Variants in IFNGR2 observed in about 807,000 individuals in gnomAD.
IFNGR2 encodes IFN-gamma receptor 2.
Under a neutral mutation model 41.1 loss-of-function variants are expected in IFNGR2, and 15 were observed. The observed-to-expected ratio is 0.37, with a 90% CI of 0.24 to 0.56. IFNGR2 has a LOEUF of 0.56. Ranked by LOEUF, IFNGR2 falls within the 20% of genes least tolerant of loss-of-function variation. IFNGR2 has a pLI of 0.81. For missense variants in IFNGR2, 362 were observed against 415.7 expected, an observed-to-expected ratio of 0.87 and a Z score of 1.12; for synonymous variants, 161 against 171.6, an observed-to-expected ratio of 0.94 and a Z score of 0.48.
intron 4 of IFNGR2, among the ~76,000 whole-genome samples, chr21:33,431,835 G>A (rs906873153): frequency 6.6e-6 from 1 of 152,222 alleles, no homozygotes; most frequent in South Asian, 2.1e-4. Context: ...GCCTCCCAAA[G>A]TGGTGGGATT....
chr21:33,417,599 AC>A (rs1186069628), intron 2 of IFNGR2, among the ~76,000 whole-genome samples: 1 of 152,192 alleles, frequency 6.6e-6, no homozygotes, highest in Non-Finnish European at 1.5e-5. Context: ...AAAATGTGAG[AC>A]CCTTTATTTA....
chr21:33,417,917 T>C (rs1368215195), intron 2 of IFNGR2, among the ~76,000 whole-genome samples: 5 of 152,192 alleles, frequency 3.3e-5, no homozygotes, highest in Non-Finnish European at 7.3e-5. Context: ...AAAAAAACCT[T>C]TGATAGAGTT....
At chr21:33,406,305 G>A (rs1472798380) in intron 1 of IFNGR2, among the ~76,000 whole-genome samples, 3 of 151,998 alleles carry the variant, frequency 2.0e-5, no homozygotes, top group Admixed American at 6.6e-5. Flanking sequence ...GAACCTGGGA[G>A]GGGAGGTTGC....
chr21:33,433,771 G>T (rs1396345346), intron 6 of IFNGR2, among the ~76,000 whole-genome samples: 1 of 145,932 alleles, frequency 6.9e-6, no homozygotes, highest in Non-Finnish European at 1.5e-5. Context: ...TATGTTATGT[G>T]TATTTTACCA....
chr21:33,423,681 CGTGA>C (rs2083813620), intron 3 of IFNGR2, among the ~76,000 whole-genome samples: 2 of 152,172 alleles, frequency 1.3e-5, no homozygotes, highest in African/African-American at 4.8e-5. Flanking sequence ...GGATTACAGG[CGTGA>C]GAGCCACCGT....
At chr21:33,410,964 C>G (rs2083711365) in intron 1 of IFNGR2, 1 of 1,083,476 alleles carries the variant, frequency 9.2e-7, no homozygotes, top group South Asian at 1.3e-5. Flanking sequence ...TCTCCCCAGC[C>G]TTCCAGCCCT....
At chr21:33,409,426 G>A (rs1057368954) in intron 1 of IFNGR2, among the ~76,000 whole-genome samples, 7 of 152,088 alleles carry the variant, frequency 4.6e-5, no homozygotes, top group African/African-American at 4.8e-5. Flanking sequence ...CCGAGATCAC[G>A]CCACTGCGAC....
At chr21:33,436,114 T>C (rs2083946663) in intron 6 of IFNGR2, among the ~76,000 whole-genome samples, 1 of 151,618 alleles carries the variant, frequency 6.6e-6, no homozygotes, top group Non-Finnish European at 1.5e-5. Context: ...TCCCAGCACT[T>C]TGGGAGGCCG....
chr21:33,414,838 C>A (rs1411689904), intron 1 of IFNGR2, 50 bp from the exon 2 acceptor site: 2 of 1,542,426 alleles, frequency 1.3e-6, no homozygotes, highest in South Asian at 1.2e-5. Flanking sequence ...GTAATTATTT[C>A]CCTCTCTCTC....
At chr21:33,414,458 C>T (rs1232973045) in intron 1 of IFNGR2, among the ~76,000 whole-genome samples, 7 of 152,228 alleles carry the variant, frequency 4.6e-5, no homozygotes, top group South Asian at 2.1e-4. Flanking sequence ...ATGATCACCA[C>T]GTTAATCTTC....
intron 1 of IFNGR2, among the ~76,000 whole-genome samples, chr21:33,404,052 G>A (rs1352681157): frequency 6.6e-6 from 1 of 152,256 alleles, no homozygotes; most frequent in Non-Finnish European, 1.5e-5. Flanking sequence ...GAAAGCCAGC[G>A]TGGCCCCAGT....
chr21:33,432,485 C>A, intron 5 of IFNGR2, 149 bp downstream of exon 5: 1 of 901,378 alleles, frequency 1.1e-6, no homozygotes, highest in Non-Finnish European at 1.8e-6. Context: ...TGAGCTTGTG[C>A]TGAGATTTGC....
In IFNGR2 at chr21:33,437,362, AC is replaced by A. The variant is rs1364911671; in HGVS notation, c.*401del. The A allele has an allele frequency of 4.8e-6, 1 of 206,210 alleles. No homozygotes were observed. The highest frequency in any genetic ancestry group is 1.3e-4 in the East Asian group (1 of 7,988). The allele number at this position is 206,210 out of a possible 1,614,324, so 12.8% of individuals were successfully genotyped here. ...AGCCGGAGCCCCTTGGGCAGGTCAC[AC>A]AACCTGTCCCAGCGAGGGACACCGA... is the stretch of plus-strand genomic sequence containing the variant. On this transcript the variant is annotated 3_prime_UTR_variant, in exon 7 of 7. Transcript: ENST00000290219.
chr21:33,435,679 T>C (rs2083939177), intron 6 of IFNGR2, among the ~76,000 whole-genome samples: 1 of 151,076 alleles, frequency 6.6e-6, no homozygotes, highest in Middle Eastern at 3.2e-3. Context: ...AGTCAGGAGA[T>C]CGAGACCATC....
intron 3 of IFNGR2, among the ~76,000 whole-genome samples, chr21:33,422,470 T>G (rs1398931709): frequency 2.0e-5 from 3 of 152,228 alleles, no homozygotes; most frequent in African/African-American, 7.2e-5. Context: ...TGTTGACTTA[T>G]TTTCAGTGTT....
Position 33,432,705 on chromosome 21 carries a change from T to C in IFNGR2, c.722-9T>C. The C allele has an allele frequency of 6.2e-7, 1 of 1,614,102 alleles. No individual in the cohort carries two copies. The highest frequency in any genetic ancestry group is 8.5e-7 in the Non-Finnish European group (1 of 1,179,946). On this transcript the variant is annotated splice_polypyrimidine_tract_variant and intron_variant, in intron 5 of 6. Coordinates refer to ENST00000290219, the MANE Select transcript of IFNGR2 (RefSeq NM_005534.4). ...GATCATTCTGTTCACTTTCGTGTCCTCTTTTTAGCCTCCACTGAGCTTCAG... is the reference window on the plus strand; with the variant it reads ...GATCATTCTGTTCACTTTCGTGTCCCCTTTTTAGCCTCCACTGAGCTTCAG...
In IFNGR2 at chr21:33,403,533, C is replaced by G; in HGVS notation, c.-11C>G. 1 of 1,275,412 alleles carries G rather than the reference C, an allele frequency of 7.8e-7. No homozygotes were observed. The highest frequency in any genetic ancestry group is 1.0e-6 in the Non-Finnish European group (1 of 1,004,368). The allele number at this position is 1,275,412 out of a possible 1,614,324, so 79.0% of individuals were successfully genotyped here. A position where few individuals can be genotyped will look rare whatever the true frequency, so the allele number is the denominator to read the frequency against. On this transcript the variant is annotated 5_prime_UTR_variant, in exon 1 of 7. Coordinates refer to ENST00000290219, the MANE Select transcript of IFNGR2 (RefSeq NM_005534.4). ...GGCCGCGACCTGAGCCGCCGCCGAG[C>G]GCCCGGGGCCATGCGACCGACGCTG...
At chr21:33,428,686 G>T (rs1042441126) in intron 4 of IFNGR2, among the ~76,000 whole-genome samples, 2 of 152,240 alleles carry the variant, frequency 1.3e-5, no homozygotes, top group African/African-American at 2.4e-5. Context: ...CCAGAAGAGA[G>T]ACTCTGCCTC....
chr21:33,410,996 T>A (rs1019323583), intron 1 of IFNGR2: 24 of 858,560 alleles, frequency 2.8e-5, no homozygotes, highest in Non-Finnish European at 3.5e-5. Flanking sequence ...TCGGGGGCCA[T>A]GTGGCCTGGA....
Sources: gnomAD v4.1 joint callset for allele counts (sites outside exome capture counted in the v4.1 genomes callset) on GRCh38, gnomAD v4.1.1 for gene constraint, MANE v1.5 for transcripts, NCBI Gene and HGNC (gene_info 2026-07-23, HGNC 2026-07-21) for gene names.